STAU2: variants seen among roughly 807,000 people sequenced by gnomAD.
STAU2 encodes staufen double-stranded RNA binding protein 2.
In STAU2, 20 loss-of-function variants were observed where a neutral mutation model predicts 65.9. That is an observed-to-expected ratio of 0.30 (90% CI 0.21 to 0.44). The LOEUF (loss-of-function observed/expected upper bound fraction) is 0.44, where lower values mean the gene tolerates loss of function less well. Ranked by LOEUF, STAU2 falls within the 20% of genes least tolerant of loss-of-function variation. The pLI is 1.00. For synonymous variants in STAU2, 232 were observed against 233.9 expected, an observed-to-expected ratio of 0.99 and a Z score of 0.07; for missense variants, 558 against 683.9, an observed-to-expected ratio of 0.82 and a Z score of 2.05.
Position 73,613,889 on chromosome 8 carries a change from G to A in STAU2, c.746C>T (p.Ser249Phe), listed in dbSNP as rs184418849. The change falls in exon 9 of 15, where the codon TCT becomes TTT. Residue 249 changes from serine to phenylalanine, a missense_variant. Coordinates refer to ENST00000524300, the MANE Select transcript of STAU2 (RefSeq NM_001164380.2). ...FVTRVSVGEF[S>F]AEGEGNSKKL... The stretch of plus-strand genomic sequence containing the variant: ...TTTGCTATTTCCTTCTCCTTCTGCA[G>A]AGAACTCTCCTACTGACACTCGAGT... The A allele has an allele frequency of 8.4e-5, 135 of 1,613,816 alleles. No homozygotes were observed. Among genetic ancestry groups the A allele is most frequent in the Non-Finnish European group, 1.1e-4 (133 of 1,179,912 alleles).
rs5892422 is a variant in STAU2, at chr8:73,479,712, C to CGTGTGTGTGT, written c.1531-57020_1531-57011dup. 9.0e-3 allele frequency among the ~76,000 whole-genome samples: 1,297 copies of CGTGTGTGTGT among 143,874 alleles called. 11 individuals carry two copies. The highest frequency in any genetic ancestry group is 0.011 in the African/African-American group (427 of 38,360). 94.4% of individuals were successfully genotyped at this position (143,874 alleles called of 152,430 possible). On this transcript the variant is annotated intron_variant, in intron 13 of 14. Coordinates refer to ENST00000524300, the MANE Select transcript of STAU2 (RefSeq NM_001164380.2). The stretch of plus-strand genomic sequence containing the variant: ...TCCAACAAAGATACACTTAAATATA[C>CGTGTGTGTGT]GTGTGTGTGTGTGTGTGTGTGTGTG...
At chr8:73,556,369 A>G (rs1303127761) in intron 12 of STAU2, among the ~76,000 whole-genome samples, 1 of 152,202 alleles carries the variant, frequency 6.6e-6, no homozygotes, top group East Asian at 1.9e-4. Flanking sequence ...TTGACACTTA[A>G]CAAATTGCCC....
chr8:73,634,020 C>T (rs1310531042), intron 6 of STAU2, among the ~76,000 whole-genome samples: 5 of 152,014 alleles, frequency 3.3e-5, no homozygotes, highest in African/African-American at 4.8e-5. Flanking sequence ...AAAACTAGCA[C>T]AGGTTATACA....
intron 9 of STAU2, among the ~76,000 whole-genome samples, chr8:73,610,660 T>C (rs2129807054): frequency 6.6e-6 from 1 of 152,110 alleles, no homozygotes; most frequent in Non-Finnish European, 1.5e-5. Context: ...TCTTAAATCA[T>C]CATTCTATAT....
chr8:73,607,232 G>C (rs1812085761), intron 9 of STAU2, among the ~76,000 whole-genome samples: 1 of 152,252 alleles, frequency 6.6e-6, no homozygotes, highest in Non-Finnish European at 1.5e-5. Flanking sequence ...GGTAGGAAAT[G>C]GTCATACAAA....
intron 3 of STAU2, among the ~76,000 whole-genome samples, chr8:73,716,279 G>A (rs1483400145): frequency 2.0e-5 from 3 of 151,956 alleles, no homozygotes; most frequent in African/African-American, 4.8e-5. Flanking sequence ...TAGTAGAGAC[G>A]GGGTTTCTCC....
At chr8:73,665,619 C>T (rs903832662) in intron 6 of STAU2, among the ~76,000 whole-genome samples, 1 of 152,128 alleles carries the variant, frequency 6.6e-6, no homozygotes, top group Non-Finnish European at 1.5e-5. Flanking sequence ...AGTGAGCTCA[C>T]CCAGTCTGTA....
intron 13 of STAU2, among the ~76,000 whole-genome samples, chr8:73,490,999 A>G (rs1297828669): frequency 2.0e-5 from 3 of 152,018 alleles, no homozygotes. Context: ...GGTATAGTTT[A>G]TTTTATAGGC....
At chr8:73,466,769 C>T (rs532013280) in intron 13 of STAU2, among the ~76,000 whole-genome samples, 26 of 152,342 alleles carry the variant, frequency 1.7e-4, no homozygotes, top group African/African-American at 5.5e-4. Flanking sequence ...CCTGTAAGCC[C>T]TCCACTGACT....
intron 5 of STAU2, among the ~76,000 whole-genome samples, chr8:73,685,298 C>A (rs938197119): frequency 6.6e-6 from 1 of 152,016 alleles, no homozygotes; most frequent in Admixed American, 6.6e-5. Context: ...CACCACCTTA[C>A]TCCTGCAAGA....
chr8:73,500,740 CTT>C (rs1440769575), intron 13 of STAU2, among the ~76,000 whole-genome samples: 1 of 151,834 alleles, frequency 6.6e-6, no homozygotes, highest in East Asian at 1.9e-4. Flanking sequence ...GAAGACTAAA[CTT>C]GAGACTAATT....
intron 13 of STAU2, among the ~76,000 whole-genome samples, chr8:73,537,334 C>T (rs921435706): frequency 3.3e-5 from 5 of 151,888 alleles, no homozygotes; most frequent in Non-Finnish European, 7.4e-5. Flanking sequence ...AAAGTAACAG[C>T]TTAAAATTTA....
intron 13 of STAU2, among the ~76,000 whole-genome samples, chr8:73,524,218 G>C (rs1489307036): frequency 1.3e-5 from 2 of 152,162 alleles, no homozygotes; most frequent in Non-Finnish European, 2.9e-5. Flanking sequence ...AGGAAGAGAT[G>C]CTGGGACAAG....
At position 73,488,503 on chromosome 8, in the gene STAU2, A is replaced by G. The variant is rs375226575; in HGVS notation, c.1530+63509T>C. 7.2e-4 allele frequency among the ~76,000 whole-genome samples: 109 copies of G among 152,140 alleles called. 1 individual carries two copies. The South Asian group carries it at 0.022, about 30-fold the overall frequency. The stretch of plus-strand genomic sequence containing the variant: ...GACCACCCAATTAAGCTATAACTTT[A>G]AAAATCACCTTGAGGTTACCCTGGG... On this transcript the variant is annotated intron_variant, in intron 13 of 14. Transcript: ENST00000524300.
chr8:73,480,767 G>A (rs1820564127), intron 13 of STAU2, among the ~76,000 whole-genome samples: 1 of 152,246 alleles, frequency 6.6e-6, no homozygotes, highest in South Asian at 2.1e-4. Context: ...AACTGGAAGT[G>A]CAGGATGGTA....
At position 73,421,380 on chromosome 8, in the gene STAU2, C is replaced by A. The variant is rs1309334246; in HGVS notation, c.1705G>T (p.Ala569Ser). 2.6e-6 allele frequency: 4 copies of A among 1,537,210 alleles called. No individual in the cohort carries two copies. The South Asian group carries it at 4.8e-5, about 18-fold the overall frequency. The change falls in exon 15 of 15, where the codon GCC becomes TCC. Residue 569 changes from alanine (A) to serine (S), a missense_variant. Coordinates refer to ENST00000524300, the MANE Select transcript of STAU2 (RefSeq NM_001164380.2). ...GCGGGTTCTGGGAGCTGCTAGACGG[C>A]CGAGTTTGATTTCTTGCAGTCCTGA... ...IAQDCKKSNS[A>S]V
intron 9 of STAU2, among the ~76,000 whole-genome samples, chr8:73,604,777 C>A (rs1479732702): frequency 6.6e-6 from 1 of 152,088 alleles, no homozygotes; most frequent in African/African-American, 2.4e-5. Flanking sequence ...AGTCTAACAG[C>A]CCCAAGTGGT....
intron 13 of STAU2, among the ~76,000 whole-genome samples, chr8:73,487,925 G>A (rs185910707): frequency 2.6e-5 from 4 of 152,102 alleles, no homozygotes; most frequent in East Asian, 1.9e-4. Context: ...GGAAGAATCC[G>A]TGATTCTGAA....
Position 73,726,135 on chromosome 8 carries a change from C to T in STAU2, c.-18+12149G>A, listed in dbSNP as rs145834188. 4.5e-4 allele frequency among the ~76,000 whole-genome samples: 68 copies of T among 152,070 alleles called. 1 individual carries two copies. The Middle Eastern group carries it at 0.01, about 23-fold the overall frequency. ...TATTTCTTAATGTCATTCGCAGCAACCTGGATGGAACTGGAGACTTATTCT... is the reference window on the plus strand; with the variant it reads ...TATTTCTTAATGTCATTCGCAGCAATCTGGATGGAACTGGAGACTTATTCT... On this transcript the variant is annotated intron_variant, in intron 3 of 14. Transcript: ENST00000524300.
Sources: gnomAD v4.1 joint callset for allele counts (sites outside exome capture counted in the v4.1 genomes callset) on GRCh38, gnomAD v4.1.1 for gene constraint, MANE v1.5 for transcripts, NCBI Gene and HGNC (gene_info 2026-07-23, HGNC 2026-07-21) for gene names.